The following NRG2 variants were observed in gnomAD, a reference collection of about 807,000 sequenced individuals.
NRG2 encodes the protein pro-neuregulin-2, membrane-bound isoform.
NRG2 carries 27 observed loss-of-function variants against 73.9 expected under a neutral mutation model. That is an observed-to-expected ratio of 0.37 (90% CI 0.27 to 0.50). The LOEUF (loss-of-function observed/expected upper bound fraction) is 0.50, where lower values mean the gene tolerates loss of function less well. Among genes scored for constraint, NRG2 ranks in the 20% least tolerant of loss-of-function variants. The pLI, the probability that NRG2 is intolerant of heterozygous loss-of-function variation, is 0.96. For synonymous variants in NRG2, 532 were observed against 541.0 expected (o/e 0.98, Z 0.23); for missense variants, 1,126 against 1,210.1 (o/e 0.93, Z 1.03).
At chr5:139,945,050 C>T (rs1753706576) in intron 1 of NRG2, among the ~76,000 whole-genome samples, 1 of 152,062 alleles carries the variant, frequency 6.6e-6, no homozygotes, top group Non-Finnish European at 1.5e-5. Flanking sequence ...TGTATGTCTT[C>T]TTTTGAGAAA....
At chr5:139,918,180 T>C (rs1194430050) in intron 1 of NRG2, among the ~76,000 whole-genome samples, 2 of 152,170 alleles carry the variant, frequency 1.3e-5, no homozygotes, top group African/African-American at 4.8e-5. Context: ...AATTCTTATG[T>C]GGATGGATTG....
rs190482355 is a variant in NRG2 at position 139,968,249 on chromosome 5, T to C, written c.700+74121A>G. 3.0e-4 allele frequency among the ~76,000 whole-genome samples: 45 copies of C among 151,966 alleles called. No homozygotes were observed. In the East Asian group the frequency reaches 8.2e-3, roughly 28 times the overall value. ...GCTGAGAAGGGGTGAGAAGGGAAGA[T>C]GTGGAAGTGACAAGCCGGAGGCAGC... On this transcript the variant is annotated intron_variant, in intron 1 of 9. Transcript: ENST00000361474.
intron 1 of NRG2, among the ~76,000 whole-genome samples, chr5:139,918,608 C>G (rs984513593): frequency 1.3e-5 from 2 of 152,130 alleles, no homozygotes; most frequent in African/African-American, 4.8e-5. Context: ...TTCTTAACAT[C>G]AGTCACTAGA....
At chr5:139,864,892 C>A in intron 5 of NRG2, 1 of 606,904 alleles carries the variant, frequency 1.6e-6, no homozygotes, top group Middle Eastern at 4.3e-4. Context: ...GGGAGGAGGC[C>A]TGGGTGTGGC....
chr5:139,936,310 A>G (rs1410271522), intron 1 of NRG2, among the ~76,000 whole-genome samples: 1 of 152,202 alleles, frequency 6.6e-6, no homozygotes, highest in Non-Finnish European at 1.5e-5. Flanking sequence ...ATAAATTAGC[A>G]GTATCAACAA....
At chr5:139,934,729 G>C (rs1048453010) in intron 1 of NRG2, among the ~76,000 whole-genome samples, 1 of 152,184 alleles carries the variant, frequency 6.6e-6, no homozygotes, top group East Asian at 1.9e-4. Flanking sequence ...TAAAGTAAAA[G>C]CATGGAAAAA....
chr5:139,965,009 G>A (rs1449312666), intron 1 of NRG2, among the ~76,000 whole-genome samples: 2 of 152,258 alleles, frequency 1.3e-5, no homozygotes, highest in Non-Finnish European at 2.9e-5. Flanking sequence ...AAACAAAGGT[G>A]TCTTGATGCA....
intron 1 of NRG2, among the ~76,000 whole-genome samples, chr5:139,934,986 G>A (rs573206933): frequency 1.3e-5 from 2 of 152,026 alleles, no homozygotes; most frequent in African/African-American, 4.8e-5. Context: ...CCAAAATGGC[G>A]AAACCCCGTC....
chr5:140,027,551 G>A (rs1760794853), intron 1 of NRG2, among the ~76,000 whole-genome samples: 1 of 152,126 alleles, frequency 6.6e-6, no homozygotes, highest in Admixed American at 6.5e-5. Context: ...AATACAATAG[G>A]ATATTTTGAG....
At chr5:140,027,906 G>C (rs1760828133) in intron 1 of NRG2, among the ~76,000 whole-genome samples, 1 of 152,204 alleles carries the variant, frequency 6.6e-6, no homozygotes, top group African/African-American at 2.4e-5. Context: ...GAGTAATTCA[G>C]AGGACAGAAC....
In NRG2 at chr5:139,958,266, T is replaced by A. The variant is rs1754788125; in HGVS notation, c.701-70755A>T. On this transcript the variant is annotated intron_variant, in intron 1 of 9. Coordinates refer to ENST00000361474, the MANE Select transcript of NRG2 (RefSeq NM_004883.3). ...GCTCTCAGTTCATTCTCACATGAGC[T>A]ATAGCTTGAGACTCTGGGTTTCCTG... is the stretch of plus-strand genomic sequence containing the variant. Among the ~76,000 whole-genome samples, 3 of 152,136 alleles carry A rather than the reference T, an allele frequency of 2.0e-5. No individual in the cohort carries two copies. The South Asian group carries it at 6.2e-4, about 31-fold the overall frequency.
intron 1 of NRG2, among the ~76,000 whole-genome samples, chr5:140,017,297 T>G (rs1759863969): frequency 6.6e-6 from 1 of 152,118 alleles, no homozygotes. Context: ...AGAGTTTCAC[T>G]GGGGCATGTC....
intron 3 of NRG2, among the ~76,000 whole-genome samples, chr5:139,874,426 C>T (rs1053344691): frequency 1.1e-4 from 16 of 152,224 alleles, no homozygotes; most frequent in African/African-American, 3.4e-4. Context: ...AAACCAAAGT[C>T]CTAGAGGGCA....
At chr5:139,933,294 A>G (rs1461868925) in intron 1 of NRG2, among the ~76,000 whole-genome samples, 1 of 152,166 alleles carries the variant, frequency 6.6e-6, no homozygotes, top group Non-Finnish European at 1.5e-5. Context: ...AAGCAAGAAC[A>G]AATTATGTGC....
At chr5:139,976,840 G>A (rs1756414603) in intron 1 of NRG2, among the ~76,000 whole-genome samples, 1 of 152,218 alleles carries the variant, frequency 6.6e-6, no homozygotes, top group Admixed American at 6.5e-5. Context: ...ATGAGAGAGA[G>A]GAAGAAAAGC....
At chr5:139,859,754 G>T in intron 5 of NRG2, 1 of 852,358 alleles carries the variant, frequency 1.2e-6, no homozygotes, top group Non-Finnish European at 1.9e-6. Context: ...CATCTCGATG[G>T]GGCCAGGAGA....
intron 1 of NRG2, among the ~76,000 whole-genome samples, chr5:140,025,921 C>G (rs1760648199): frequency 6.6e-6 from 1 of 152,162 alleles, no homozygotes; most frequent in Admixed American, 6.5e-5. Context: ...AAGTGATAGA[C>G]TAGGCCTTTA....
chr5:139,954,358 T>C lies in NRG2; in HGVS notation c.701-66847A>G, dbSNP rs1754458104. 1.3e-5 allele frequency among the ~76,000 whole-genome samples: 2 copies of C among 152,074 alleles called. No homozygotes were observed. Among genetic ancestry groups the C allele is most frequent in the African/African-American group, 4.8e-5 (2 of 41,394 alleles). On this transcript the variant is annotated intron_variant, in intron 1 of 9. Transcript: ENST00000361474. This position sits in a 1 kb window ranked among gnomAD's most constrained non-coding sequence, Gnocchi z 5.0. ...CCATGTCAGCACCTATAGTGGACAA[T>C]GATGAAAAGGAAGAATGAAATGACT...
intron 1 of NRG2, among the ~76,000 whole-genome samples, chr5:139,922,502 T>C (rs1003948248): frequency 6.6e-6 from 1 of 152,226 alleles, no homozygotes; most frequent in Non-Finnish European, 1.5e-5. Context: ...TTGCTGGTGG[T>C]AATGTCAAAC....
Sources: allele counts gnomAD v4.1 joint callset (sites outside exome capture counted in the v4.1 genomes callset), GRCh38; gene constraint gnomAD v4.1.1; non-coding constraint Gnocchi (gnomAD v3.1); transcripts MANE v1.5; gene names NCBI Gene and HGNC (gene_info 2026-07-23, HGNC 2026-07-21).